IFT88: variants seen among roughly 807,000 people sequenced by gnomAD.
IFT88 encodes intraflagellar transport protein 88 homolog.
A neutral mutation model predicts 119.5 loss-of-function variants in IFT88; 74 were observed. That is an observed-to-expected ratio of 0.62 (90% CI 0.51 to 0.75). The LOEUF is 0.75. IFT88 is among the 30% of genes least tolerant of loss of function. The pLI, the probability that IFT88 is intolerant of heterozygous loss-of-function variation, is 0.00. For synonymous variants in IFT88, 279 were observed against 316.7 expected (o/e 0.88, Z 1.26); for missense variants, 961 against 977.7 (o/e 0.98, Z 0.23).
At chr13:20,683,759 G>C (rs917063093) in intron 24 of IFT88, among the ~76,000 whole-genome samples, 4 of 152,116 alleles carry the variant, frequency 2.6e-5, no homozygotes, top group Non-Finnish European at 4.4e-5. Flanking sequence ...GCTTTGCCTT[G>C]TTTATTTGTG....
chr13:20,586,234 T>G (rs945614213), intron 3 of IFT88, among the ~76,000 whole-genome samples: 1 of 152,332 alleles, frequency 6.6e-6, no homozygotes, highest in African/African-American at 2.4e-5. Context: ...TTTCATCACA[T>G]CCTACTTGTT....
At chr13:20,617,673 C>G (rs2045853794) in intron 14 of IFT88, among the ~76,000 whole-genome samples, 1 of 152,200 alleles carries the variant, frequency 6.6e-6, no homozygotes, top group Admixed American at 6.5e-5. Flanking sequence ...GACTTGTAGT[C>G]TTTTGGATAT....
At chr13:20,607,450 A>G in intron 13 of IFT88, 1 of 666,566 alleles carries the variant, frequency 1.5e-6, no homozygotes, top group Non-Finnish European at 2.8e-6. Context: ...TGTACTTGTC[A>G]CTCATCCCCA....
chr13:20,676,595 A>G (rs770522371), intron 24 of IFT88, among the ~76,000 whole-genome samples: 4 of 152,216 alleles, frequency 2.6e-5, no homozygotes, highest in Non-Finnish European at 5.9e-5. Context: ...CAGTGTAACC[A>G]AGTGTACCCC....
chr13:20,650,043 C>T (rs1323037888), intron 20 of IFT88, among the ~76,000 whole-genome samples: 1 of 152,036 alleles, frequency 6.6e-6, no homozygotes, highest in African/African-American at 2.4e-5. Flanking sequence ...TGAATTCTGC[C>T]AGACATTTCA....
intron 24 of IFT88, among the ~76,000 whole-genome samples, chr13:20,682,760 TA>T (rs2057465750): frequency 6.6e-6 from 1 of 152,232 alleles, no homozygotes; most frequent in South Asian, 2.1e-4. Context: ...GAAAATTTTT[TA>T]CAAGTAGGTT....
intron 24 of IFT88, among the ~76,000 whole-genome samples, chr13:20,677,994 A>G (rs1445514325): frequency 2.0e-5 from 3 of 152,200 alleles, no homozygotes; most frequent in Non-Finnish European, 2.9e-5. Flanking sequence ...AGGGAAGGGG[A>G]ATGTTGAAAA....
At chr13:20,655,145 C>T (rs2052516598) in intron 21 of IFT88, among the ~76,000 whole-genome samples, 1 of 151,946 alleles carries the variant, frequency 6.6e-6, no homozygotes, top group East Asian at 1.9e-4. Context: ...GTTTAAAAAA[C>T]TGTAAAGGCC....
At chr13:20,609,973 A>G (rs528813994) in intron 13 of IFT88, among the ~76,000 whole-genome samples, 2 of 151,984 alleles carry the variant, frequency 1.3e-5, no homozygotes, top group Non-Finnish European at 2.9e-5. Flanking sequence ...ATCTTTCTTC[A>G]TCACCACACC....
At chr13:20,606,636 T>C (rs546958266) in intron 13 of IFT88, among the ~76,000 whole-genome samples, 1 of 152,286 alleles carries the variant, frequency 6.6e-6, no homozygotes, top group African/African-American at 2.4e-5. Flanking sequence ...CCCAGCACTT[T>C]GGGAGGCTGA....
intron 2 of IFT88, among the ~76,000 whole-genome samples, chr13:20,576,879 G>A (rs2037486997): frequency 6.6e-6 from 1 of 152,042 alleles, no homozygotes; most frequent in Non-Finnish European, 1.5e-5. Flanking sequence ...ACTTTAGGAT[G>A]TTTTCTTCTG....
chr13:20,618,949 T>C (rs2442458), intron 14 of IFT88, among the ~76,000 whole-genome samples: 138,636 of 150,770 alleles, frequency 0.92, 63,838 homozygotes, highest in East Asian at 1. Context: ...CTCCACCTCC[T>C]GAGTCCACGC....
chr13:20,581,945 GGT>G (rs1167929564), intron 2 of IFT88, among the ~76,000 whole-genome samples: 1 of 151,538 alleles, frequency 6.6e-6, no homozygotes, highest in African/African-American at 2.4e-5. Flanking sequence ...TTAGCATCCT[GGT>G]AATATAAACA....
At chr13:20,592,469 A>G in intron 7 of IFT88, 65 bp downstream of exon 7, 1 of 1,331,010 alleles carries the variant, frequency 7.5e-7, no homozygotes, top group South Asian at 1.3e-5. Flanking sequence ...TATTTTCCAA[A>G]TACACAATTT....
intron 22 of IFT88, among the ~76,000 whole-genome samples, chr13:20,658,672 G>A (rs996374665): frequency 1.3e-5 from 2 of 152,118 alleles, no homozygotes; most frequent in African/African-American, 4.8e-5. Flanking sequence ...GCCATCCAGG[G>A]GATTATGGAA....
At chr13:20,634,394 ATCAGGTCTGGATAGAAATGGGGCT>A (rs2048688666) in intron 16 of IFT88, among the ~76,000 whole-genome samples, 1 of 152,084 alleles carries the variant, frequency 6.6e-6, no homozygotes, top group Admixed American at 6.5e-5. Context: ...CAGGATCTAC[ATCAGGTCTGGATAGAAATGGGGCT>A]TTCTAGCTGG....
chr13:20,685,861 C>T (rs2057858494), intron 24 of IFT88, among the ~76,000 whole-genome samples: 1 of 152,164 alleles, frequency 6.6e-6, no homozygotes, highest in South Asian at 2.1e-4. Context: ...GCCTGGGAGA[C>T]AAAACAAGAC....
At chr13:20,677,884 A>G (rs1486329737) in intron 24 of IFT88, among the ~76,000 whole-genome samples, 1 of 152,250 alleles carries the variant, frequency 6.6e-6, no homozygotes, top group Non-Finnish European at 1.5e-5. Context: ...TTCATAACAC[A>G]TTCAAAGGAA....
At chr13:20,567,874 T>C (rs2035233677) in intron 1 of IFT88, 2 of 844,620 alleles carry the variant, frequency 2.4e-6, no homozygotes, top group Non-Finnish European at 1.7e-6. Context: ...GTTTGTTTTT[T>C]TTTTTTCGAG....
Sources: gnomAD v4.1 joint callset for allele counts (sites outside exome capture counted in the v4.1 genomes callset) on GRCh38, gnomAD v4.1.1 for gene constraint, MANE v1.5 for transcripts, NCBI Gene and HGNC (gene_info 2026-07-23, HGNC 2026-07-21) for gene names.